NRXN3: variants seen among roughly 807,000 people sequenced by gnomAD.
NRXN3 encodes neurexin 3.
NRXN3 carries 32 observed loss-of-function variants against 137.6 expected under a neutral mutation model. The ratio of observed to expected loss-of-function variants is 0.23; its 90% CI spans 0.18 to 0.31. NRXN3 has a LOEUF of 0.31. Ranked by LOEUF, NRXN3 falls within the 10% of genes least tolerant of loss-of-function variation. The pLI, the probability that NRXN3 is intolerant of heterozygous loss-of-function variation, is 1.00. For synonymous variants in NRXN3, 798 were observed against 784.5 expected, an observed-to-expected ratio of 1.02 and a Z score of -0.29; for missense variants, 1,574 against 2,062.5, an observed-to-expected ratio of 0.76 and a Z score of 4.59.
intron 15 of NRXN3, among the ~76,000 whole-genome samples, chr14:79,282,258 G>A (rs2081396053): frequency 6.6e-6 from 1 of 152,222 alleles, no homozygotes; most frequent in Non-Finnish European, 1.5e-5. Flanking sequence ...GGGAGATAGG[G>A]GAAGCCAGAG....
At chr14:78,290,670 T>C (rs4903739) in intron 3 of NRXN3, among the ~76,000 whole-genome samples, 116,150 of 152,048 alleles carry the variant, frequency 0.76, 44,434 homozygotes, top group East Asian at 0.84. Flanking sequence ...TAGAAGGTTT[T>C]TTCTAACCCT....
intron 1 of NRXN3, among the ~76,000 whole-genome samples, chr14:78,182,677 G>T (rs2059913961): frequency 6.6e-6 from 1 of 152,070 alleles, no homozygotes; most frequent in Non-Finnish European, 1.5e-5. Flanking sequence ...CTCCATGTTA[G>T]TCAGGCTGGT....
chr14:79,650,060 G>T (rs560914023), intron 16 of NRXN3, among the ~76,000 whole-genome samples: 1 of 152,132 alleles, frequency 6.6e-6, no homozygotes, highest in African/African-American at 2.4e-5. Flanking sequence ...GGTAGTGCAG[G>T]AATTGAACTT....
At chr14:79,004,800 A>G (rs17108538) in intron 15 of NRXN3, among the ~76,000 whole-genome samples, 5,950 of 152,190 alleles carry the variant, frequency 0.039, 327 homozygotes, top group African/African-American at 0.12. Flanking sequence ...CTGGAGTCAG[A>G]CCTTGATTCT....
intron 19 of NRXN3, among the ~76,000 whole-genome samples, chr14:79,758,452 A>G (rs925420197): frequency 6.6e-6 from 1 of 152,136 alleles, no homozygotes; most frequent in Non-Finnish European, 1.5e-5. Flanking sequence ...TTTAACAATC[A>G]GATTTCATGA....
intron 4 of NRXN3, among the ~76,000 whole-genome samples, chr14:78,467,122 A>G (rs1007594052): frequency 6.6e-6 from 1 of 152,194 alleles, no homozygotes; most frequent in Non-Finnish European, 1.5e-5. Context: ...CCTAAAATGT[A>G]TAAAACCATG....
intron 10 of NRXN3, among the ~76,000 whole-genome samples, chr14:78,851,962 T>G (rs531603610): frequency 6.6e-6 from 1 of 152,302 alleles, no homozygotes; most frequent in East Asian, 1.9e-4. Context: ...TAGACCTTTA[T>G]TTTATAGAAA....
intron 8 of NRXN3, among the ~76,000 whole-genome samples, chr14:78,750,209 G>T (rs1283430834): frequency 2.0e-5 from 3 of 152,226 alleles, no homozygotes; most frequent in Non-Finnish European, 4.4e-5. Context: ...ATGGGTGAAG[G>T]CCAGGTTTGA....
intron 10 of NRXN3, among the ~76,000 whole-genome samples, chr14:78,835,313 C>T (rs985840589): frequency 5.3e-5 from 8 of 152,176 alleles, no homozygotes; most frequent in Admixed American, 3.3e-4. Context: ...TCTGCTGAAA[C>T]GGATTCGACC....
intron 15 of NRXN3, among the ~76,000 whole-genome samples, chr14:79,317,551 C>T (rs538612393): frequency 6.6e-6 from 1 of 152,206 alleles, no homozygotes; most frequent in East Asian, 1.9e-4. Context: ...CAAATAAGGT[C>T]ACACTCCGAG....
intron 16 of NRXN3, among the ~76,000 whole-genome samples, chr14:79,541,418 T>C (rs2097271434): frequency 6.6e-6 from 1 of 152,128 alleles, no homozygotes; most frequent in South Asian, 2.1e-4. Flanking sequence ...AAAAAGATAC[T>C]TGCCATTGGA....
chr14:79,131,525 G>A (rs534225454), intron 15 of NRXN3, among the ~76,000 whole-genome samples: 6 of 152,348 alleles, frequency 3.9e-5, no homozygotes, highest in African/African-American at 1.4e-4. Flanking sequence ...TGAGGGGGCA[G>A]TCTGCCCGTT....
chr14:79,097,814 T>C (rs187408423), intron 15 of NRXN3, among the ~76,000 whole-genome samples: 12 of 152,320 alleles, frequency 7.9e-5, no homozygotes, highest in African/African-American at 2.4e-4. Context: ...TGCTGATACA[T>C]AGGACTCTCT....
chr14:78,755,156 T>C (rs2098662140), intron 8 of NRXN3, among the ~76,000 whole-genome samples: 1 of 151,692 alleles, frequency 6.6e-6, no homozygotes, highest in South Asian at 2.1e-4. Context: ...GCTGGGACTA[T>C]GGGTGTGCAC....
At chr14:79,178,313 T>A (rs1307835029) in intron 15 of NRXN3, among the ~76,000 whole-genome samples, 1 of 152,254 alleles carries the variant, frequency 6.6e-6, no homozygotes, top group Non-Finnish European at 1.5e-5. Flanking sequence ...GCTCATTTTA[T>A]AAACCTTAAG....
chr14:79,262,222 C>A (rs1286863394), intron 15 of NRXN3, among the ~76,000 whole-genome samples: 1 of 152,102 alleles, frequency 6.6e-6, no homozygotes, highest in African/African-American at 2.4e-5. Context: ...ATGAAGTGCC[C>A]AATCCTCACA....
At chr14:78,376,210 G>A (rs1008262217) in intron 4 of NRXN3, among the ~76,000 whole-genome samples, 2 of 152,126 alleles carry the variant, frequency 1.3e-5, no homozygotes, top group Non-Finnish European at 2.9e-5. Flanking sequence ...CAGGAACTAG[G>A]GCTAACATAT....
chr14:79,543,571 T>G (rs966085186), intron 16 of NRXN3, among the ~76,000 whole-genome samples: 1 of 152,186 alleles, frequency 6.6e-6, no homozygotes, highest in African/African-American at 2.4e-5. Context: ...GGCCACAGCA[T>G]GAACTGGAGA....
chr14:79,513,051 A>G (rs1292215112), intron 16 of NRXN3, among the ~76,000 whole-genome samples: 2 of 152,212 alleles, frequency 1.3e-5, no homozygotes, highest in African/African-American at 2.4e-5. Context: ...CAGTAGAAAA[A>G]CTAAAATAAA....
Sources: allele counts gnomAD v4.1 joint callset (sites outside exome capture counted in the v4.1 genomes callset), GRCh38; gene constraint gnomAD v4.1.1; transcripts MANE v1.5; gene names NCBI Gene and HGNC (gene_info 2026-07-23, HGNC 2026-07-21).